Variants in MTCL2 observed in about 807,000 individuals in gnomAD.
The protein encoded by MTCL2 is microtubule crosslinking factor 2.
At chr20:36,817,445 G>A in the MTCL2 span, 57 of 1,586,410 alleles carry the variant, frequency 3.6e-5, no homozygotes, top group Middle Eastern at 6.7e-4. Context: ...CCCAGGGAGC[G>A]GGTTCCTCTT....
At chr20:36,833,853 A>G in the MTCL2 span, among the ~76,000 whole-genome samples, 1 of 150,410 alleles carries the variant, frequency 6.6e-6, no homozygotes, top group South Asian at 2.1e-4. Flanking sequence ...CTATGTTTCA[A>G]GAAAGAAAGA....
chr20:36,838,251 T>C, the MTCL2 span, among the ~76,000 whole-genome samples: 149,300 of 152,260 alleles, frequency 0.98, 73,255 homozygotes, highest in Middle Eastern at 1. Context: ...AGGGTTTCAC[T>C]GTATTAGCCA....
At chr20:36,815,113 T>G in the MTCL2 span, 2 of 1,570,634 alleles carry the variant, frequency 1.3e-6, no homozygotes, top group African/African-American at 1.4e-5. This position sits in a 1 kb window ranked among gnomAD's most constrained non-coding sequence, Gnocchi z 5.3. Context: ...GATCTGTGCA[T>G]GAGGCACCTT....
chr20:36,845,722 T>C, the MTCL2 span, among the ~76,000 whole-genome samples: 12 of 152,120 alleles, frequency 7.9e-5, no homozygotes, highest in Admixed American at 7.2e-4. Context: ...TTTGTTCTGT[T>C]CCAGAGGTTC....
the MTCL2 span, among the ~76,000 whole-genome samples, chr20:36,832,353 G>GGGGA: frequency 6.6e-6 from 1 of 152,186 alleles, no homozygotes; most frequent in African/African-American, 2.4e-5. Context: ...TCCTCCACCT[G>GGGGA]GGGAGGCTAC....
the MTCL2 span, among the ~76,000 whole-genome samples, chr20:36,788,810 T>TC: frequency 8.5e-3 from 1,243 of 146,090 alleles, 16 homozygotes; most frequent in African/African-American, 0.03. Context: ...TCTTTTCTTT[T>TC]TTTTTTTTTT....
At chr20:36,841,875 GT>G in the MTCL2 span, among the ~76,000 whole-genome samples, 5,118 of 24,788 alleles carry the variant, frequency 0.21, 178 homozygotes, top group Non-Finnish European at 0.24. Context: ...GGGGGGTGGG[GT>G]GTGTGTGTGT....
chr20:36,814,626 C>T, the MTCL2 span, among the ~76,000 whole-genome samples: 1 of 152,176 alleles, frequency 6.6e-6, no homozygotes. Flanking sequence ...GTGGCTCACA[C>T]CTGTAATCCC....
the MTCL2 span, chr20:36,781,614 G>A: frequency 6.6e-6 from 1 of 151,812 alleles, no homozygotes; most frequent in African/African-American, 2.4e-5. Flanking sequence ...GGGAGGCTGA[G>A]GAGGGCAGAT....
the MTCL2 span, among the ~76,000 whole-genome samples, chr20:36,788,978 G>A: frequency 9.9e-5 from 15 of 151,968 alleles, no homozygotes; most frequent in Non-Finnish European, 1.6e-4. Flanking sequence ...GGCTAATTGT[G>A]TATTTTTAGT....
the MTCL2 span, among the ~76,000 whole-genome samples, chr20:36,851,268 T>TTG: frequency 2.0e-5 from 3 of 152,180 alleles, no homozygotes; most frequent in East Asian, 1.9e-4. Context: ...GTACAGTATA[T>TTG]TGTATATATA....
the MTCL2 span, chr20:36,804,835 C>A: frequency 6.2e-7 from 1 of 1,613,980 alleles, no homozygotes. Context: ...GCGTTCATCC[C>A]GGAGCAGCCA....
At chr20:36,853,712 T>G in the MTCL2 span, among the ~76,000 whole-genome samples, 2 of 150,392 alleles carry the variant, frequency 1.3e-5, no homozygotes, top group African/African-American at 2.4e-5. Flanking sequence ...GGTGTGTGTG[T>G]GTGTGTGTGT....
chr20:36,833,851 C>CAAGA, the MTCL2 span, among the ~76,000 whole-genome samples: 1 of 149,730 alleles, frequency 6.7e-6, no homozygotes, highest in Non-Finnish European at 1.5e-5. Flanking sequence ...GACTATGTTT[C>CAAGA]AAGAAAGAAA....
At chr20:36,798,621 C>T in the MTCL2 span, among the ~76,000 whole-genome samples, 18 of 152,278 alleles carry the variant, frequency 1.2e-4, no homozygotes, top group African/African-American at 4.1e-4. Context: ...TCCAAAAGAC[C>T]GGCCCAAAAG....
At chr20:36,833,400 A>C in the MTCL2 span, among the ~76,000 whole-genome samples, 2,947 of 152,306 alleles carry the variant, frequency 0.019, 55 homozygotes, top group Middle Eastern at 0.044. Flanking sequence ...AAACAAATGC[A>C]CTCAGCCATG....
chr20:36,802,984 G>T, the MTCL2 span: 2 of 1,593,122 alleles, frequency 1.3e-6, no homozygotes, highest in Non-Finnish European at 1.7e-6. Flanking sequence ...TGCCGAGTCA[G>T]CTCCATGACA....
At chr20:36,786,070 T>G in the MTCL2 span, 22 of 986,838 alleles carry the variant, frequency 2.2e-5, no homozygotes, top group South Asian at 1.4e-4. Context: ...AAGGGGTGGA[T>G]GGTCAGCAGG....
chr20:36,791,109 A>G, the MTCL2 span, among the ~76,000 whole-genome samples: 3 of 151,738 alleles, frequency 2.0e-5, no homozygotes, highest in Non-Finnish European at 4.4e-5. Context: ...ATCTCAGCTC[A>G]CTGCAGCCTC....
Sources: allele counts gnomAD v4.1 joint callset (sites outside exome capture counted in the v4.1 genomes callset), GRCh38; gene constraint gnomAD v4.1.1; non-coding constraint Gnocchi (gnomAD v3.1); transcripts MANE v1.5; gene names NCBI Gene and HGNC (gene_info 2026-07-23, HGNC 2026-07-21).